Variants in SAMHD1 observed in about 807,000 individuals in gnomAD.
SAMHD1 encodes the protein SAM and HD domain containing deoxynucleoside triphosphate triphosphohydrolase 1.
In SAMHD1, 54 loss-of-function variants were observed where a neutral mutation model predicts 79.6. The observed-to-expected ratio is 0.68, with a 90% CI of 0.55 to 0.85. SAMHD1 has a LOEUF of 0.85. SAMHD1 is among the 40% of genes least tolerant of loss of function. The probability of loss-of-function intolerance (pLI) is 0.00; values close to 1 mark genes in which losing one functional copy is unlikely to be tolerated. For synonymous variants in SAMHD1, 260 were observed against 264.1 expected, an observed-to-expected ratio of 0.98 and a Z score of 0.15; for missense variants, 663 against 782.7, an observed-to-expected ratio of 0.85 and a Z score of 1.82.
chr20:36,938,934 A>G (rs1045079143), intron 3 of SAMHD1, among the ~76,000 whole-genome samples: 11 of 151,932 alleles, frequency 7.2e-5, no homozygotes, highest in African/African-American at 2.4e-4. Flanking sequence ...GTGATTTTCA[A>G]TAGAAAATAA....
chr20:36,947,405 GGT>G (rs771698070), intron 1 of SAMHD1, among the ~76,000 whole-genome samples: 9,314 of 28,944 alleles, frequency 0.32, 2,081 homozygotes, highest in South Asian at 0.52. Flanking sequence ...ATTTGGAAGA[GGT>G]GTGTGTGTGT....
chr20:36,905,511 T>C lies in SAMHD1; in HGVS notation c.1271-8A>G. The stretch of plus-strand genomic sequence containing the variant: ...TCTCCAGAAAAATGTTATCTGCCAA[T>C]TTAATGACATTTCAGTTATATTAAA... On this transcript the variant is annotated splice_polypyrimidine_tract_variant and splice_region_variant and intron_variant, in intron 11 of 15. Transcript: ENST00000646673. 1.9e-6 allele frequency: 3 copies of C among 1,587,120 alleles called. No homozygotes were observed. The highest frequency in any genetic ancestry group is 2.6e-6 in the Non-Finnish European group (3 of 1,155,742).
chr20:36,938,178 T>C (rs1001613105), intron 3 of SAMHD1, among the ~76,000 whole-genome samples: 1 of 152,160 alleles, frequency 6.6e-6, no homozygotes, highest in African/African-American at 2.4e-5. Flanking sequence ...AACAATGTTC[T>C]TTTTACAGAA....
chr20:36,920,619 CAGGCATGGT>C lies in SAMHD1; in HGVS notation c.697-1109_697-1101del, dbSNP rs1344783753. 2.0e-5 allele frequency among the ~76,000 whole-genome samples: 3 copies of C among 151,926 alleles called. No homozygotes were observed. In the East Asian group the frequency reaches 5.8e-4, roughly 29 times the overall value. ...TCTACTAAAAAATACAAAAATTAGC[CAGGCATGGT>C]AGGGTGCACCTATAATCCCAGCTAC... On this transcript the variant is annotated intron_variant, in intron 6 of 15. Transcript: ENST00000646673.
rs776103958 is a variant in SAMHD1, at chr20:36,930,878, G to C, written c.510-3C>G. On this transcript the variant is annotated splice_polypyrimidine_tract_variant and splice_region_variant and intron_variant, in intron 4 of 15. Coordinates refer to ENST00000646673, the MANE Select transcript of SAMHD1 (RefSeq NM_015474.4). ...GACATCCTGCTAGATACCCCACCCT[G>C]CAGAGCAAAAACACAAAAAGTCACT... The C allele has an allele frequency of 6.2e-7, 1 of 1,603,366 alleles. No individual in the cohort carries two copies. Among genetic ancestry groups the C allele is most frequent in the East Asian group, 2.2e-5 (1 of 44,802 alleles).
At chr20:36,937,855 G>GTTTTT (rs1568780706) in intron 3 of SAMHD1, among the ~76,000 whole-genome samples, 2 of 125,366 alleles carry the variant, frequency 1.6e-5, no homozygotes, top group African/African-American at 7.1e-5. Flanking sequence ...AAACAATGTT[G>GTTTTT]GTTTGTTTTT....
rs906767393 is a variant in SAMHD1 at position 36,951,363 on chromosome 20, C to T, written c.208+73G>A. The T allele has an allele frequency of 3.3e-5, 52 of 1,597,682 alleles. No homozygotes were observed. In the African/African-American group the frequency reaches 5.6e-4, roughly 17 times the overall value. ...CTCGGCCTCGGTCCTCTCGTGGGGCCCCCTCCCTCAGGGCGCCTGGCCCGC... is the reference window on the plus strand; with the variant it reads ...CTCGGCCTCGGTCCTCTCGTGGGGCTCCCTCCCTCAGGGCGCCTGGCCCGC... On this transcript the variant is annotated intron_variant, in intron 1 of 15. Coordinates refer to ENST00000646673, the MANE Select transcript of SAMHD1 (RefSeq NM_015474.4).
At chr20:36,927,609 A>G (rs2063545055) in intron 5 of SAMHD1, among the ~76,000 whole-genome samples, 2 of 152,118 alleles carry the variant, frequency 1.3e-5, no homozygotes. Context: ...GAGCCACCAC[A>G]CTCAGCCAAA....
intron 11 of SAMHD1, among the ~76,000 whole-genome samples, chr20:36,907,417 T>A (rs1229629110): frequency 1.3e-5 from 2 of 151,962 alleles, no homozygotes; most frequent in African/African-American, 4.8e-5. Flanking sequence ...CATGCCACCA[T>A]GCCCAGCTAA....
chr20:36,908,948 A>T lies in SAMHD1; in HGVS notation c.1270+2270T>A, dbSNP rs547533083. Reference sequence around the variant, plus strand: ...GTGATTGCTTTCCAATTTTATTTTTATTTATTTATTTATTTTTATTTATTC... The same window carrying T: ...GTGATTGCTTTCCAATTTTATTTTTTTTTATTTATTTATTTTTATTTATTC... On this transcript the variant is annotated intron_variant, in intron 11 of 15. Coordinates refer to ENST00000646673, the MANE Select transcript of SAMHD1 (RefSeq NM_015474.4). Among the ~76,000 whole-genome samples, 168 of 151,772 alleles carry T rather than the reference A, an allele frequency of 1.1e-3. 2 individuals carry two copies. Among genetic ancestry groups the T allele is most frequent in the African/African-American group, 3.9e-3 (160 of 41,358 alleles).
intron 14 of SAMHD1, 93 bp downstream of exon 14, chr20:36,898,347 T>C (rs1454867530): frequency 7.3e-6 from 7 of 957,544 alleles, no homozygotes; most frequent in Non-Finnish European, 1.2e-5. Flanking sequence ...TGTAAAGATA[T>C]GCCTTAAAAC....
chr20:36,928,487 C>A (rs1210721532), intron 5 of SAMHD1, among the ~76,000 whole-genome samples: 1 of 151,414 alleles, frequency 6.6e-6, no homozygotes, highest in African/African-American at 2.4e-5. Flanking sequence ...GAGTTCAAGA[C>A]AAGCCTGGCT....
At position 36,912,490 on chromosome 20, in the gene SAMHD1, T is replaced by C. The variant is rs201876333; in HGVS notation, c.1125A>G (p.Gln375=). 8.1e-6 allele frequency: 13 copies of C among 1,613,048 alleles called. No homozygotes were observed. In the Admixed American group the frequency reaches 8.3e-5, roughly 10 times the overall value. ...TATCAATAATGTTGCCAACTTTGTG[T>C]TGATAAGCTCTACGGTGTAAAGAGT... ...TRNSLHRRAY[Q]HKVGNIIDTM... Residue 375 remains glutamine (Q), a synonymous_variant, in exon 10 of 16, where the codon CAA becomes CAG. Transcript: ENST00000646673.
At chr20:36,897,748 G>T in intron 15 of SAMHD1, 74 bp downstream of exon 15, 1 of 1,534,476 alleles carries the variant, frequency 6.5e-7, no homozygotes, top group Non-Finnish European at 9.0e-7. Flanking sequence ...GAACTTTTCA[G>T]CAGATAGACT....
Position 36,892,965 on chromosome 20 carries a change from G to A in SAMHD1, c.1848C>T (p.Ser616=), listed in dbSNP as rs372533307. Residue 616 remains serine (S), a synonymous_variant, in exon 16 of 16, where the codon AGC becomes AGT. Transcript: ENST00000646673. ...NPTRLREASK[S]RVQLFKDDPM ...GGTCATCTTTAAAAAGCTGGACTCT[G>A]CTTTTGGATGCTTCTCGGAGGCGAG... The A allele has an allele frequency of 1.9e-4, 306 of 1,613,936 alleles. No individual in the cohort carries two copies. The highest frequency in any genetic ancestry group is 2.5e-4 in the Non-Finnish European group (292 of 1,180,020).
At chr20:36,893,114 C>A in intron 15 of SAMHD1, 48 bp from the exon 16 acceptor site, 2 of 1,604,592 alleles carry the variant, frequency 1.2e-6, no homozygotes, top group Non-Finnish European at 1.7e-6. Flanking sequence ...AGCCAGTTTC[C>A]ATCATCTTAT....
chr20:36,896,934 A>G lies in SAMHD1; in HGVS notation c.1746+888T>C, dbSNP rs138965048. Among the ~76,000 whole-genome samples, 30 of 152,020 alleles carry G rather than the reference A, an allele frequency of 2.0e-4. No individual in the cohort carries two copies. In the East Asian group the frequency reaches 5.6e-3, roughly 28 times the overall value. ...AACAGTCTCAGCTCATTCCAGCTTC[A>G]TGCCTTTGTGCTCCTCCCACTGCCA... On this transcript the variant is annotated intron_variant, in intron 15 of 15. Coordinates refer to ENST00000646673, the MANE Select transcript of SAMHD1 (RefSeq NM_015474.4).
chr20:36,893,261 G>T (rs1172521627), intron 15 of SAMHD1, 195 bp from the exon 16 acceptor site: 2 of 658,204 alleles, frequency 3.0e-6, no homozygotes, highest in Non-Finnish European at 5.2e-6. Flanking sequence ...TCTTACGCAG[G>T]AAGAGCCTTC....
At chr20:36,933,586 C>T (rs2063581065) in intron 4 of SAMHD1, among the ~76,000 whole-genome samples, 2 of 152,062 alleles carry the variant, frequency 1.3e-5, no homozygotes, top group Admixed American at 1.3e-4. Context: ...CAACCTTGGC[C>T]TCCCGGGTTC....
Sources: allele counts gnomAD v4.1 joint callset (sites outside exome capture counted in the v4.1 genomes callset), GRCh38; gene constraint gnomAD v4.1.1; transcripts MANE v1.5; gene names NCBI Gene and HGNC (gene_info 2026-07-23, HGNC 2026-07-21).